The following TMEM51 variants were observed in gnomAD, a reference collection of about 807,000 sequenced individuals.
TMEM51 encodes the protein transmembrane protein 51.
A neutral mutation model predicts 13.6 loss-of-function variants in TMEM51; 8 were observed. That is an observed-to-expected ratio of 0.59 (90% CI 0.35 to 1.07). The LOEUF is 1.07. Ranked by LOEUF, TMEM51 falls within the 50% of genes least tolerant of loss-of-function variation. The pLI, the probability that TMEM51 is intolerant of heterozygous loss-of-function variation, is 0.02. For synonymous variants in TMEM51, 147 were observed against 144.4 expected, an observed-to-expected ratio of 1.02 and a Z score of -0.13; for missense variants, 279 against 330.7, an observed-to-expected ratio of 0.84 and a Z score of 1.21.
At chr1:15,189,617 G>T (rs1322700036) in intron 1 of TMEM51, among the ~76,000 whole-genome samples, 2 of 152,198 alleles carry the variant, frequency 1.3e-5, no homozygotes, top group African/African-American at 4.8e-5. Context: ...CTTGCAGGAG[G>T]ATGATCTGGT....
chr1:15,174,631 G>A (rs527644971), intron 1 of TMEM51, among the ~76,000 whole-genome samples: 1 of 152,286 alleles, frequency 6.6e-6, no homozygotes, highest in East Asian at 1.9e-4. Flanking sequence ...ATTTTCCTAT[G>A]TCAGTAAAGG....
At chr1:15,180,322 G>C (rs949445826) in intron 1 of TMEM51, among the ~76,000 whole-genome samples, 2 of 152,210 alleles carry the variant, frequency 1.3e-5, no homozygotes, top group African/African-American at 2.4e-5. Context: ...ATGGACAAAG[G>C]CTCCTCAGTC....
At chr1:15,183,981 G>A (rs1643694736) in intron 1 of TMEM51, among the ~76,000 whole-genome samples, 1 of 152,204 alleles carries the variant, frequency 6.6e-6, no homozygotes, top group Admixed American at 6.5e-5. Flanking sequence ...GTCCGGGGTG[G>A]CCCTGAGTGT....
intron 1 of TMEM51, among the ~76,000 whole-genome samples, chr1:15,183,235 A>G (rs1038924089): frequency 1.3e-5 from 2 of 152,248 alleles, no homozygotes; most frequent in Non-Finnish European, 2.9e-5. Flanking sequence ...ATATCCCCCA[A>G]CAGCAGAATT....
chr1:15,211,828 C>A (rs925545127), intron 2 of TMEM51, among the ~76,000 whole-genome samples: 39 of 59,898 alleles, frequency 6.5e-4, no homozygotes, highest in African/African-American at 1.5e-3. Context: ...GTGACCCCCC[C>A]CCCCCCCCCG....
intron 1 of TMEM51, among the ~76,000 whole-genome samples, chr1:15,194,878 T>A (rs568096506): frequency 4.0e-5 from 6 of 151,446 alleles, no homozygotes; most frequent in African/African-American, 1.5e-4. Context: ...AGCAACACTA[T>A]CCAATGGAAA....
chr1:15,192,014 C>A (rs1643931965), intron 1 of TMEM51: 3 of 530,004 alleles, frequency 5.7e-6, no homozygotes, highest in East Asian at 5.4e-5. Flanking sequence ...TCAGTTGTTG[C>A]GTCTGTATTT....
chr1:15,189,388 T>C (rs1349004587), intron 1 of TMEM51, among the ~76,000 whole-genome samples: 1 of 152,102 alleles, frequency 6.6e-6, no homozygotes, highest in African/African-American at 2.4e-5. Context: ...TGCTGGTTGT[T>C]CAGCCTGGAA....
intron 1 of TMEM51, chr1:15,164,434 C>G: frequency 4.4e-6 from 2 of 456,088 alleles, no homozygotes; most frequent in Non-Finnish European, 8.8e-6. Context: ...CGTGACTGGA[C>G]TGGGCCTTTG....
chr1:15,171,381 G>C (rs1460994205), intron 1 of TMEM51: 1 of 1,237,322 alleles, frequency 8.1e-7, no homozygotes, highest in African/African-American at 1.5e-5. Flanking sequence ...CGGCAGAAAG[G>C]AAGGTGGAAG....
chr1:15,211,653 A>T (rs1261675445), intron 2 of TMEM51, among the ~76,000 whole-genome samples: 1 of 152,128 alleles, frequency 6.6e-6, no homozygotes, highest in African/African-American at 2.4e-5. Context: ...TGAGGATGTG[A>T]GCCCAGGAAG....
Position 15,214,878 on chromosome 1 carries a change from T to G in TMEM51, c.-193-17T>G. ...CGGAACTGATCGTCCTCTCTGCTCT[T>G]TCTGCTTTCCTTCCAGGCCCTTCCA... On this transcript the variant is annotated splice_polypyrimidine_tract_variant and intron_variant, in intron 2 of 3. Transcript: ENST00000376008. 1 of 580,478 alleles carries G rather than the reference T, an allele frequency of 1.7e-6. No homozygotes were observed. The highest frequency in any genetic ancestry group is 2.3e-5 in the South Asian group (1 of 44,304). The allele number at this position is 580,478 out of a possible 1,614,324, so 36.0% of individuals were successfully genotyped here.
At chr1:15,203,380 G>A (rs374811276) in intron 1 of TMEM51, among the ~76,000 whole-genome samples, 28 of 151,728 alleles carry the variant, frequency 1.8e-4, no homozygotes, top group South Asian at 2.1e-4. Context: ...TCAGCCTCCC[G>A]AGTAGCTGGG....
chr1:15,172,156 C>T (rs547782072), intron 1 of TMEM51, among the ~76,000 whole-genome samples: 88 of 152,194 alleles, frequency 5.8e-4, no homozygotes, highest in Middle Eastern at 3.4e-3. Context: ...GCAGGTGGAT[C>T]GCTTGAGCCC....
intron 2 of TMEM51, among the ~76,000 whole-genome samples, 167 bp downstream of exon 2, chr1:15,210,729 C>T (rs368569659): frequency 1.4e-3 from 216 of 152,334 alleles, no homozygotes; most frequent in African/African-American, 4.8e-3. Context: ...ACCAAGCCTA[C>T]TGTGTTTTAG....
At chr1:15,194,917 CTT>C (rs34885407) in intron 1 of TMEM51, among the ~76,000 whole-genome samples, 47,667 of 93,266 alleles carry the variant, frequency 0.51, 10,330 homozygotes, top group East Asian at 0.82. Context: ...TATAATTTTA[CTT>C]TTTTTTTTTT....
At chr1:15,188,716 G>A (rs965317685) in intron 1 of TMEM51, among the ~76,000 whole-genome samples, 4 of 152,322 alleles carry the variant, frequency 2.6e-5, no homozygotes, top group Non-Finnish European at 5.9e-5. Context: ...AAGAGAGGGC[G>A]TACCTGTGGG....
At chr1:15,192,084 A>T (rs1179637948) in intron 1 of TMEM51, 2 of 504,066 alleles carry the variant, frequency 4.0e-6, no homozygotes, top group Non-Finnish European at 8.1e-6. Flanking sequence ...CAGACCTGCC[A>T]CGCGACACAG....
rs1399484469 is a variant in TMEM51, at chr1:15,220,476, G to A, written c.*733G>A. The A allele has an allele frequency of 2.0e-5, 3 of 151,940 alleles. No individual in the cohort carries two copies. Among genetic ancestry groups the A allele is most frequent in the African/African-American group, 7.3e-5 (3 of 41,334 alleles). The allele number at this position is 151,940 out of a possible 1,614,324, so 9.4% of individuals were successfully genotyped here. On this transcript the variant is annotated 3_prime_UTR_variant, in exon 4 of 4. Transcript: ENST00000376008. ...TTTGTAATAAAATATTTTATATGTA[G>A]TACATTTGGGTGCTGAGTTACTTTA...
Sources: allele counts gnomAD v4.1 joint callset (sites outside exome capture counted in the v4.1 genomes callset), GRCh38; gene constraint gnomAD v4.1.1; transcripts MANE v1.5; gene names NCBI Gene and HGNC (gene_info 2026-07-23, HGNC 2026-07-21).